Variants in SLC24A2 observed in about 807,000 individuals in gnomAD.
SLC24A2 encodes solute carrier family 24 member 2.
A neutral mutation model predicts 62.0 loss-of-function variants in SLC24A2; 36 were observed. That is an observed-to-expected ratio of 0.58 (90% CI 0.44 to 0.77). The LOEUF (loss-of-function observed/expected upper bound fraction) is 0.77. Among genes scored for constraint, SLC24A2 ranks in the 30% least tolerant of loss-of-function variants. SLC24A2 has a pLI of 0.00. For missense variants in SLC24A2, 846 were observed against 817.9 expected, an observed-to-expected ratio of 1.03 and a Z score of -0.42; for synonymous variants, 358 against 294.0, an observed-to-expected ratio of 1.22 and a Z score of -2.23.
the SLC24A2 span, among the ~76,000 whole-genome samples, chr9:19,941,590 TGAGAGA>T: frequency 1.6e-5 from 2 of 127,916 alleles, no homozygotes; most frequent in African/African-American, 2.9e-5. Context: ...TGTGTGTGTG[TGAGAGA>T]GAGAGAGAGA....
chr9:20,219,169 G>A, the SLC24A2 span, among the ~76,000 whole-genome samples: 10 of 152,202 alleles, frequency 6.6e-5, no homozygotes, highest in Admixed American at 5.9e-4. Context: ...TGGTTTCAGA[G>A]AGAGACACTG....
Position 19,573,412 on chromosome 9 carries a change from T to A in SLC24A2, c.1286A>T (p.Asp429Val), listed in dbSNP as rs191759600. ...TCCATTTTGTACAGGTTCTGAAGCA[T>A]CACTGGATGGTGTCATTTCAACATC... ...STDVEMTPSS[D>V]ASEPVQNGNL... Residue 429 changes from aspartate to valine, a missense_variant, in exon 7 of 11, where the codon GAT (aspartate) becomes GTT (valine). By Grantham distance (152) the Asp-to-Val change is radical. Coordinates refer to ENST00000341998, the MANE Select transcript of SLC24A2 (RefSeq NM_020344.4). The A allele has an allele frequency of 9.3e-6, 15 of 1,613,860 alleles. No homozygotes were observed. Among genetic ancestry groups the A allele is most frequent in the Middle Eastern group, 1.6e-4 (1 of 6,062 alleles).
chr9:19,806,336 G>A, the SLC24A2 span, among the ~76,000 whole-genome samples: 3 of 152,130 alleles, frequency 2.0e-5, no homozygotes, highest in Non-Finnish European at 4.4e-5. Flanking sequence ...TAGTTGTAGA[G>A]TTTATTTGAG....
At chr9:19,589,866 G>C (rs545251001) in intron 5 of SLC24A2, among the ~76,000 whole-genome samples, 10 of 152,282 alleles carry the variant, frequency 6.6e-5, no homozygotes, top group African/African-American at 1.2e-4. Flanking sequence ...CATTGCAAAA[G>C]AAGGGGCATC....
chr9:19,707,661 T>C (rs1820574234), intron 2 of SLC24A2, among the ~76,000 whole-genome samples: 1 of 152,214 alleles, frequency 6.6e-6, no homozygotes, highest in Admixed American at 6.5e-5. Flanking sequence ...AACCACATGA[T>C]TATCTCAATA....
In SLC24A2 at chr9:19,671,738, G is replaced by A. The variant is rs1284997287; in HGVS notation, c.931-49439C>T. 3.3e-5 allele frequency among the ~76,000 whole-genome samples: 5 copies of A among 152,040 alleles called. No homozygotes were observed. The East Asian group carries it at 5.8e-4, about 18-fold the overall frequency. On this transcript the variant is annotated intron_variant, in intron 2 of 10. Coordinates refer to ENST00000341998, the MANE Select transcript of SLC24A2 (RefSeq NM_020344.4). ...TCTTAAGATACGTCCCTTCTATGCC[G>A]ATTTTGCTGAGGCTTTTAATCATAA...
chr9:20,022,212 C>T, the SLC24A2 span, among the ~76,000 whole-genome samples: 1 of 152,146 alleles, frequency 6.6e-6, no homozygotes, highest in Non-Finnish European at 1.5e-5. Context: ...TTTAAATTTT[C>T]TTCTCTATAC....
the SLC24A2 span, among the ~76,000 whole-genome samples, chr9:19,945,575 T>C: frequency 1.3e-5 from 2 of 152,238 alleles, no homozygotes; most frequent in Non-Finnish European, 2.9e-5. Flanking sequence ...TTACCTTTGC[T>C]TGTGGCATGC....
intron 2 of SLC24A2, among the ~76,000 whole-genome samples, chr9:19,772,874 C>G (rs1270722600): frequency 1.3e-5 from 2 of 152,150 alleles, no homozygotes; most frequent in African/African-American, 4.8e-5. Flanking sequence ...CATGTATTCA[C>G]ACAAACACTT....
chr9:19,983,086 C>G, the SLC24A2 span, among the ~76,000 whole-genome samples: 1 of 152,138 alleles, frequency 6.6e-6, no homozygotes, highest in Non-Finnish European at 1.5e-5. Context: ...AGCTTGCCCC[C>G]TAAGATTAGG....
the SLC24A2 span, among the ~76,000 whole-genome samples, chr9:19,895,070 A>C: frequency 6.6e-6 from 1 of 152,198 alleles, no homozygotes; most frequent in Non-Finnish European, 1.5e-5. Context: ...TTTTAACTCT[A>C]TAAAGAAGTA....
chr9:19,539,103 T>C (rs1360529558), intron 8 of SLC24A2, among the ~76,000 whole-genome samples: 5 of 73,802 alleles, frequency 6.8e-5, no homozygotes, highest in Non-Finnish European at 1.3e-4. Flanking sequence ...CTTTTTTTCT[T>C]TATTAGTCTT....
At chr9:19,894,189 G>A in the SLC24A2 span, among the ~76,000 whole-genome samples, 1 of 152,158 alleles carries the variant, frequency 6.6e-6, no homozygotes, top group East Asian at 1.9e-4. Flanking sequence ...AGGGCTATGT[G>A]GTCCAGAGAC....
At position 19,636,315 on chromosome 9, in the gene SLC24A2, T is replaced by TTTTCTTTTCTTTTCTTTTCCTTTC; in HGVS notation, c.931-14017_931-14016insGAAAGGAAAAGAAAAGAAAAGAAA. On this transcript the variant is annotated intron_variant, in intron 2 of 10. Coordinates refer to ENST00000341998, the MANE Select transcript of SLC24A2 (RefSeq NM_020344.4). Reference sequence around the variant, plus strand: ...TTTTCTTTTCTTTTCTTTTCTTTTCTTTTCTTTCTTTCTTTCTTTCTTTCT... The same window carrying TTTTCTTTTCTTTTCTTTTCCTTTC: ...TTTTCTTTTCTTTTCTTTTCTTTTCTTTTCTTTTCTTTTCTTTTCCTTTCTTTCTTTCTTTCTTTCTTTCTTTCT... Among the ~76,000 whole-genome samples the TTTTCTTTTCTTTTCTTTTCCTTTC allele has an allele frequency of 3.4e-3, 136 of 40,322 alleles. 11 individuals are homozygous for TTTTCTTTTCTTTTCTTTTCCTTTC. Among genetic ancestry groups the TTTTCTTTTCTTTTCTTTTCCTTTC allele is most frequent in the Non-Finnish European group, 4.3e-3 (92 of 21,296 alleles). The allele number at this position is 40,322 out of a possible 152,430, so 26.5% of individuals were successfully genotyped here.
the SLC24A2 span, among the ~76,000 whole-genome samples, chr9:19,932,672 C>A: frequency 2.0e-5 from 3 of 152,186 alleles, no homozygotes; most frequent in Non-Finnish European, 4.4e-5. Context: ...CTGGTGCTGT[C>A]TTTAGTTTTC....
chr9:19,737,682 C>A (rs1821550241), intron 2 of SLC24A2, among the ~76,000 whole-genome samples: 1 of 151,854 alleles, frequency 6.6e-6, no homozygotes, highest in African/African-American at 2.4e-5. Flanking sequence ...TTTAAAAATG[C>A]TGTTTTTCTA....
At chr9:19,700,959 C>T (rs954906579) in intron 2 of SLC24A2, among the ~76,000 whole-genome samples, 4 of 152,164 alleles carry the variant, frequency 2.6e-5, no homozygotes, top group Admixed American at 2.0e-4. Flanking sequence ...ACTTTGTACA[C>T]AAATAGATAT....
At chr9:20,268,861 G>T in the SLC24A2 span, among the ~76,000 whole-genome samples, 2 of 152,150 alleles carry the variant, frequency 1.3e-5, no homozygotes, top group Non-Finnish European at 2.9e-5. Context: ...TATGTGTGTG[G>T]AGGAACTACG....
At chr9:19,815,531 C>T in the SLC24A2 span, among the ~76,000 whole-genome samples, 1 of 151,964 alleles carries the variant, frequency 6.6e-6, no homozygotes, top group Non-Finnish European at 1.5e-5. Context: ...TTTAAAACCC[C>T]TTTTAAATAT....
Sources: gnomAD v4.1 joint callset for allele counts (sites outside exome capture counted in the v4.1 genomes callset) on GRCh38, gnomAD v4.1.1 for gene constraint, MANE v1.5 for transcripts, NCBI Gene and HGNC (gene_info 2026-07-23, HGNC 2026-07-21) for gene names.